Variants in INPP4B observed in about 807,000 individuals in gnomAD.
The protein encoded by INPP4B is inositol polyphosphate 4-phosphatase type II.
Under a neutral mutation model 122.5 loss-of-function variants are expected in INPP4B, and 55 were observed. The ratio of observed to expected loss-of-function variants is 0.45; its 90% CI spans 0.36 to 0.56. INPP4B has a LOEUF of 0.56. Among genes scored for constraint, INPP4B ranks in the 20% least tolerant of loss-of-function variants. The probability of loss-of-function intolerance (pLI) is 0.00; values close to 1 mark genes in which losing one functional copy is unlikely to be tolerated. For synonymous variants in INPP4B, 403 were observed against 388.7 expected (o/e 1.04, Z -0.43); for missense variants, 1,000 against 1,097.7 (o/e 0.91, Z 1.26).
chr4:142,220,669 C>A (rs1018597668), intron 12 of INPP4B, among the ~76,000 whole-genome samples: 7 of 152,054 alleles, frequency 4.6e-5, no homozygotes, highest in Non-Finnish European at 1.0e-4. Context: ...GCTAAGACTG[C>A]CATAAGAAAA....
intron 16 of INPP4B, among the ~76,000 whole-genome samples, chr4:142,171,477 CTT>C (rs1323395591): frequency 1.3e-5 from 2 of 151,784 alleles, no homozygotes; most frequent in Non-Finnish European, 2.9e-5. Flanking sequence ...AAAAACAGAA[CTT>C]TTAAAGCTTA....
intron 2 of INPP4B, among the ~76,000 whole-genome samples, chr4:142,646,630 G>A (rs1751844499): frequency 6.6e-6 from 1 of 152,202 alleles, no homozygotes; most frequent in Non-Finnish European, 1.5e-5. Context: ...AATGGAGAAT[G>A]TGTTTCACCA....
At chr4:142,205,015 C>A (rs1409932576) in intron 14 of INPP4B, among the ~76,000 whole-genome samples, 1 of 152,040 alleles carries the variant, frequency 6.6e-6, no homozygotes, top group Non-Finnish European at 1.5e-5. Context: ...CACACACACC[C>A]CTTTTGTTGC....
At chr4:142,357,713 T>G (rs1030884989) in intron 7 of INPP4B, among the ~76,000 whole-genome samples, 3 of 152,010 alleles carry the variant, frequency 2.0e-5, no homozygotes, top group African/African-American at 7.2e-5. Context: ...ATTTTATGAT[T>G]TTGTGCTTTT....
intron 25 of INPP4B, among the ~76,000 whole-genome samples, chr4:142,054,675 C>T (rs1485281052): frequency 6.6e-6 from 1 of 151,714 alleles, no homozygotes; most frequent in Non-Finnish European, 1.5e-5. Context: ...ATTTTCTGAT[C>T]AATTGCTAAG....
intron 3 of INPP4B, among the ~76,000 whole-genome samples, chr4:142,455,426 T>G (rs1815188454): frequency 6.6e-6 from 1 of 152,054 alleles, no homozygotes; most frequent in African/African-American, 2.4e-5. Flanking sequence ...TTTGTCTTTC[T>G]GAGGTTGCCT....
chr4:142,219,627 T>C (rs80134177), intron 12 of INPP4B, among the ~76,000 whole-genome samples: 1 of 152,196 alleles, frequency 6.6e-6, no homozygotes, highest in Non-Finnish European at 1.5e-5. Context: ...ACTTAAAAGC[T>C]GTTTAAACAA....
chr4:142,217,851 A>G (rs1287691883), intron 12 of INPP4B, among the ~76,000 whole-genome samples: 2 of 152,154 alleles, frequency 1.3e-5, no homozygotes, highest in South Asian at 2.1e-4. Flanking sequence ...CAAGTAAGAG[A>G]GGAATCTCCT....
In INPP4B at chr4:142,199,804, T is replaced by C. The variant is rs1579264135; in HGVS notation, c.1073-6609A>G. On this transcript the variant is annotated intron_variant, in intron 14 of 25. Coordinates refer to ENST00000262992, the MANE Select transcript of INPP4B (RefSeq NM_001101669.3). ...ACACTACAGAGGTGATGTACCCTTC[T>C]CAGAGCATCATATCAGTGTATGTTT... 2.0e-5 allele frequency among the ~76,000 whole-genome samples: 3 copies of C among 152,166 alleles called. No homozygotes were observed. In the East Asian group the frequency reaches 5.8e-4, roughly 29 times the overall value.
rs150561022 is a variant in INPP4B, at chr4:142,178,045, G to A, written c.1182-4236C>T. Among the ~76,000 whole-genome samples the A allele has an allele frequency of 8.8e-3, 1,340 of 152,132 alleles. 13 individuals are homozygous for A. The highest frequency in any genetic ancestry group is 0.013 in the Non-Finnish European group (868 of 67,984). ...ATCTCTAGCCTGGACTTTCCCGCTGGACTCCAATGAAAACAAAAGCTCTCC... is the reference window on the plus strand; with the variant it reads ...ATCTCTAGCCTGGACTTTCCCGCTGAACTCCAATGAAAACAAAAGCTCTCC... On this transcript the variant is annotated intron_variant, in intron 15 of 25. Coordinates refer to ENST00000262992, the MANE Select transcript of INPP4B (RefSeq NM_001101669.3).
Position 142,502,454 on chromosome 4 carries a change from C to T in INPP4B, c.-190-39728G>A, listed in dbSNP as rs187137894. Among the ~76,000 whole-genome samples the T allele has an allele frequency of 1.6e-3, 236 of 152,202 alleles. 2 individuals are homozygous for T. Among genetic ancestry groups the T allele is most frequent in the Non-Finnish European group, 4.3e-4 (29 of 67,986 alleles). On this transcript the variant is annotated intron_variant, in intron 2 of 25. Coordinates refer to ENST00000262992, the MANE Select transcript of INPP4B (RefSeq NM_001101669.3). ...TATTATTGATTTATAATTTTGTCTGCAACTTCTGTTTTCCTGAATTTACCT... is the reference window on the plus strand; with the variant it reads ...TATTATTGATTTATAATTTTGTCTGTAACTTCTGTTTTCCTGAATTTACCT...
chr4:142,159,411 G>A (rs751198198), intron 17 of INPP4B, among the ~76,000 whole-genome samples: 1 of 151,960 alleles, frequency 6.6e-6, no homozygotes, highest in Non-Finnish European at 1.5e-5. Context: ...TGTCATTTTT[G>A]TGATAGAAAT....
intron 24 of INPP4B, among the ~76,000 whole-genome samples, 191 bp from the exon 25 acceptor site, chr4:142,082,376 A>G (rs113109040): frequency 2.6e-5 from 4 of 152,180 alleles, no homozygotes; most frequent in East Asian, 1.9e-4. Context: ...AGCCAACACA[A>G]TGGACCCAAT....
intron 7 of INPP4B, among the ~76,000 whole-genome samples, chr4:142,337,060 TAAAA>T (rs1776869655): frequency 6.6e-6 from 1 of 152,270 alleles, no homozygotes; most frequent in African/African-American, 2.4e-5. Flanking sequence ...CAACTTTATG[TAAAA>T]TACATAAATA....
At chr4:142,740,454 T>C (rs1421113218) in intron 1 of INPP4B, among the ~76,000 whole-genome samples, 3 of 152,132 alleles carry the variant, frequency 2.0e-5, no homozygotes, top group African/African-American at 7.2e-5. Flanking sequence ...AAAGCACTTT[T>C]GAATTTTAAA....
At chr4:142,610,249 G>C (rs115523825) in intron 2 of INPP4B, among the ~76,000 whole-genome samples, 1,752 of 152,248 alleles carry the variant, frequency 0.012, 30 homozygotes, top group African/African-American at 0.032. Context: ...CACCATGTAA[G>C]ACGTGCCTTT....
intron 12 of INPP4B, among the ~76,000 whole-genome samples, chr4:142,209,354 C>A (rs1843882633): frequency 6.6e-6 from 1 of 152,126 alleles, no homozygotes; most frequent in African/African-American, 2.4e-5. Context: ...TGTAAAACCT[C>A]TATGTAAAGA....
intron 18 of INPP4B, among the ~76,000 whole-genome samples, chr4:142,134,588 G>A (rs1372931864): frequency 6.6e-6 from 1 of 151,960 alleles, no homozygotes; most frequent in Non-Finnish European, 1.5e-5. Context: ...CTGAGGTCGG[G>A]AGTTCGAGAT....
At chr4:142,390,793 G>A (rs1243993117) in intron 7 of INPP4B, among the ~76,000 whole-genome samples, 1 of 151,868 alleles carries the variant, frequency 6.6e-6, no homozygotes, top group Non-Finnish European at 1.5e-5. Context: ...CTTGTCAATT[G>A]TGTCTTTAAC....
Sources: gnomAD v4.1 joint callset for allele counts (sites outside exome capture counted in the v4.1 genomes callset) on GRCh38, gnomAD v4.1.1 for gene constraint, MANE v1.5 for transcripts, NCBI Gene and HGNC (gene_info 2026-07-23, HGNC 2026-07-21) for gene names.